The following VARS1 variants were observed in gnomAD, a reference collection of about 807,000 sequenced individuals.
VARS1 encodes valine--tRNA ligase.
In VARS1, 92 loss-of-function variants were observed where a neutral mutation model predicts 161.0. The ratio of observed to expected loss-of-function variants is 0.57; its 90% CI spans 0.48 to 0.68. The LOEUF is 0.68. VARS1 is among the 30% of genes least tolerant of loss of function. VARS1 has a pLI of 0.00. For missense variants in VARS1, 1,338 were observed against 1,695.9 expected, an observed-to-expected ratio of 0.79 and a Z score of 3.71; for synonymous variants, 595 against 682.5, an observed-to-expected ratio of 0.87 and a Z score of 2.00.
chr6:31,791,451 G>C lies in VARS1; in HGVS notation c.1100+159C>G, dbSNP rs1168112568. On this transcript the variant is annotated intron_variant, in intron 8 of 29. Coordinates refer to ENST00000375663, the MANE Select transcript of VARS1 (RefSeq NM_006295.3). The surrounding 1 kb of genome is among the most constrained non-coding windows in gnomAD (Gnocchi z 5.0). ...TGGGAGTACTGGACTAGGAGAGGAAGCTAAATGATCAGATTGGAATGACAG... is the reference window on the plus strand; with the variant it reads ...TGGGAGTACTGGACTAGGAGAGGAACCTAAATGATCAGATTGGAATGACAG... Among the ~76,000 whole-genome samples, 1 of 152,142 alleles carries C rather than the reference G, an allele frequency of 6.6e-6. No individual in the cohort carries two copies. The highest frequency in any genetic ancestry group is 6.6e-5 in the Admixed American group (1 of 15,264).
intron 8 of VARS1, among the ~76,000 whole-genome samples, chr6:31,790,657 CA>C (rs1463695813): frequency 2.2e-5 from 3 of 137,130 alleles, no homozygotes; most frequent in Non-Finnish European, 4.6e-5. Flanking sequence ...GGTACAGCCA[CA>C]CTATGAGATA....
chr6:31,793,252 A>G (rs1347605243), intron 2 of VARS1, 132 bp from the exon 3 acceptor site: 2 of 1,242,766 alleles, frequency 1.6e-6, no homozygotes, highest in Admixed American at 3.0e-5. Flanking sequence ...CTTCACTCAA[A>G]TAGTCACAAT....
chr6:31,785,644 C>G lies in VARS1; in HGVS notation c.1190G>C (p.Trp397Ser). The change falls in exon 9 of 30, where the codon TGG becomes TCG. Residue 397 changes from tryptophan to serine, a missense_variant. By Grantham distance (177) the Trp-to-Ser change is radical (BLOSUM62 -3). Around this residue, in one of 3 missense-constraint regions of VARS1, gnomAD observed 902 missense variants for 1,090.3 expected, o/e 0.83. Transcript: ENST00000375663. The surrounding 1 kb of genome is among the most constrained non-coding windows in gnomAD (Gnocchi z 6.1). Reference sequence around the variant, plus strand: ...GTGCCGGCTCAGTCCCTGCTCACGCCATAGCTTCTTCTCCACCACCACCTG... The same window carrying G: ...GTGCCGGCTCAGTCCCTGCTCACGCGATAGCTTCTTCTCCACCACCACCTG... Reference protein sequence around the residue: ...ATQVVVEKKLWREQGLSRHQL... With the variant: ...ATQVVVEKKLSREQGLSRHQL... 1 of 1,613,034 alleles carries G rather than the reference C, an allele frequency of 6.2e-7. No individual in the cohort carries two copies. The highest frequency in any genetic ancestry group is 8.5e-7 in the Non-Finnish European group (1 of 1,180,030).
chr6:31,790,323 C>T (rs1813785996), intron 8 of VARS1, among the ~76,000 whole-genome samples: 1 of 151,540 alleles, frequency 6.6e-6, no homozygotes, highest in South Asian at 2.1e-4. Flanking sequence ...GACTCCAGGC[C>T]GGGAGCAGTG....
Position 31,778,841 on chromosome 6 carries a change from G to T in VARS1, c.3726+126C>A. ...TTTAAGGCTAGTGGGAGTGGAGAAG[G>T]AACAAAGAAATCTGTAACTGGTTAC... On this transcript the variant is annotated intron_variant, in intron 29 of 29. Coordinates refer to ENST00000375663, the MANE Select transcript of VARS1 (RefSeq NM_006295.3). This position sits in a 1 kb window ranked among gnomAD's most constrained non-coding sequence, Gnocchi z 5.1. 7.6e-7 allele frequency: 1 copy of T among 1,307,594 alleles called. No homozygotes were observed. Among genetic ancestry groups the T allele is most frequent in the Non-Finnish European group, 1.1e-6 (1 of 944,158 alleles). The allele number at this position is 1,307,594 out of a possible 1,614,324, so 81.0% of individuals were successfully genotyped here.
rs1468680102 is a variant in VARS1 at position 31,781,468 on chromosome 6, G to T, written c.2544+13C>A. The stretch of plus-strand genomic sequence containing the variant: ...GGCTGGGGGCGATGGGAGGGTCTCG[G>T]CTGTCTCCGCACCTCTCTAAAGGGC... On this transcript the variant is annotated intron_variant, in intron 21 of 29. Coordinates refer to ENST00000375663, the MANE Select transcript of VARS1 (RefSeq NM_006295.3). The surrounding 1 kb of genome is among the most constrained non-coding windows in gnomAD (Gnocchi z 6.8). 3.1e-6 allele frequency: 5 copies of T among 1,610,664 alleles called. No individual in the cohort carries two copies. The highest frequency in any genetic ancestry group is 4.2e-6 in the Non-Finnish European group (5 of 1,179,550).
intron 8 of VARS1, among the ~76,000 whole-genome samples, chr6:31,787,914 C>T (rs1250695787): frequency 2.6e-5 from 4 of 152,020 alleles, no homozygotes; most frequent in Admixed American, 6.6e-5. Context: ...GTCAGGAGAT[C>T]GAGACCATCT....
At position 31,782,867 on chromosome 6, in the gene VARS1, C is replaced by A; in HGVS notation, c.1763-22G>T. The A allele has an allele frequency of 6.2e-7, 1 of 1,604,050 alleles. No individual in the cohort carries two copies. The highest frequency in any genetic ancestry group is 1.3e-5 in the African/African-American group (1 of 74,942). On this transcript the variant is annotated intron_variant, in intron 14 of 29. Transcript: ENST00000375663. The surrounding 1 kb of genome is among the most constrained non-coding windows in gnomAD (Gnocchi z 8.3). ...GCACCTGGGTGTACATCAGGATGCC[C>A]AGGTCATGAGGGACTCCACGGAGTT... is the stretch of plus-strand genomic sequence containing the variant.
At chr6:31,794,018 C>T (rs1322608370) in intron 2 of VARS1, among the ~76,000 whole-genome samples, 1 of 148,874 alleles carries the variant, frequency 6.7e-6, no homozygotes, top group African/African-American at 2.5e-5. Flanking sequence ...GCAGGAGAAT[C>T]GCTTGAGCAG....
rs1474269607 is a variant in VARS1, at chr6:31,785,587, A to G, written c.1247T>C (p.Val416Ala). 8 of 1,610,940 alleles carry G rather than the reference A, an allele frequency of 5.0e-6. No homozygotes were observed. The Admixed American group carries it at 1.3e-4, about 27-fold the overall frequency. ...QLGREAFLQE[V>A]WKWKEEKGDR... The stretch of plus-strand genomic sequence containing the variant: ...TACTCACTCCTCCTTCCACTTCCAG[A>G]CTTCCTGTAGAAAGGCCTCGCGGCC... Residue 416 changes from valine to alanine, a missense_variant, in exon 9 of 30, where the codon GTC (valine) becomes GCC (alanine). Physicochemically the swap from Val to Ala is moderately conservative, Grantham distance 64. Coordinates refer to ENST00000375663, the MANE Select transcript of VARS1 (RefSeq NM_006295.3). The surrounding 1 kb of genome is among the most constrained non-coding windows in gnomAD (Gnocchi z 6.1).
Position 31,792,877 on chromosome 6 carries a change from G to C in VARS1, c.541C>G (p.Arg181Gly), listed in dbSNP as rs35196751. The C allele has an allele frequency of 6.2e-7, 1 of 1,614,102 alleles. No individual in the cohort carries two copies. Among genetic ancestry groups the C allele is most frequent in the South Asian group, 1.1e-5 (1 of 91,090 alleles). Reference protein sequence around the residue: ...PFRYVLDPPARRIWNNVTRWF... With the variant: ...PFRYVLDPPAGRIWNNVTRWF... Reference sequence around the variant, plus strand: ...CGAGTCACATTATTCCAGATCCGGCGGGCAGGTGGGTCTAGGACCTGGAAC... The same window carrying C: ...CGAGTCACATTATTCCAGATCCGGCCGGCAGGTGGGTCTAGGACCTGGAAC... The change falls in exon 4 of 30, where the codon CGC becomes GGC. Residue 181 changes from arginine to glycine, a missense_variant. Physicochemically the swap from Arg to Gly is moderately radical, Grantham distance 125. Coordinates refer to ENST00000375663, the MANE Select transcript of VARS1 (RefSeq NM_006295.3).
At position 31,780,728 on chromosome 6, in the gene VARS1, C is replaced by T. The variant is rs779183827; in HGVS notation, c.2774G>A (p.Gly925Glu). Residue 925 changes from glycine (G) to glutamate (E), a missense_variant, in exon 24 of 30, where the codon GGA becomes GAA. Transcript: ENST00000375663. This position sits in a 1 kb window ranked among gnomAD's most constrained non-coding sequence, Gnocchi z 5.1. ...ACCCTGGGACATGTAGGCACATAAT[C>T]CAAACCGGAGAGCATCGGTGCCACA... ...PECGTDALRF[G>E]LCAYMSQGRD... 2 of 1,614,060 alleles carry T rather than the reference C, an allele frequency of 1.2e-6. No homozygotes were observed. Among genetic ancestry groups the T allele is most frequent in the African/African-American group, 2.7e-5 (2 of 74,948 alleles).
rs781050521 is a variant in VARS1, at chr6:31,780,051, C to T, written c.3028G>A (p.Val1010Ile). Residue 1010 changes from valine to isoleucine, a missense_variant, in exon 26 of 30, where the codon GTC becomes ATC. Around this residue, in one of 3 missense-constraint regions of VARS1, gnomAD observed 433 missense variants for 586.2 expected, o/e 0.74. Transcript: ENST00000375663. This position sits in a 1 kb window ranked among gnomAD's most constrained non-coding sequence, Gnocchi z 5.1. ...QGFQAYDFPA[V>I]TTAQYSFWLY... Reference sequence around the variant, plus strand: ...CAGAAGCTGTACTGGGCAGTGGTGACGGCCGGGAAGTCGTAGGCCTGGAAG... The same window carrying T: ...CAGAAGCTGTACTGGGCAGTGGTGATGGCCGGGAAGTCGTAGGCCTGGAAG... The T allele has an allele frequency of 7.4e-5, 119 of 1,614,002 alleles. No individual in the cohort carries two copies. The highest frequency in any genetic ancestry group is 9.7e-5 in the Non-Finnish European group (115 of 1,180,050).
rs759939980 is a variant in VARS1 at position 31,785,692 on chromosome 6, C to A, written c.1142G>T (p.Cys381Phe). The A allele has an allele frequency of 1.2e-6, 2 of 1,612,926 alleles. No homozygotes were observed. The highest frequency in any genetic ancestry group is 8.5e-7 in the Non-Finnish European group (1 of 1,180,008). Residue 381 changes from cysteine (C) to phenylalanine (F), a missense_variant, in exon 9 of 30, where the codon TGT becomes TTT. Physicochemically the swap from Cys to Phe is radical, Grantham distance 205. Transcript: ENST00000375663. This position sits in a 1 kb window ranked among gnomAD's most constrained non-coding sequence, Gnocchi z 6.1. The stretch of plus-strand genomic sequence containing the variant: ...CTGGGTGGCAATACCTGCATGGTCA[C>A]AGCCAGGGTTCCACAGGGTGGTCTC... The part of the protein sequence containing the change: ...RGETTLWNPG[C>F]DHAGIATQVV...
chr6:31,781,221 C>G lies in VARS1; in HGVS notation c.2545-98G>C. The G allele has an allele frequency of 7.1e-7, 1 of 1,412,124 alleles. No individual in the cohort carries two copies. Among genetic ancestry groups the G allele is most frequent in the South Asian group, 1.2e-5 (1 of 84,218 alleles). The allele number at this position is 1,412,124 out of a possible 1,614,324, so 87.5% of individuals were successfully genotyped here. A position where few individuals can be genotyped will look rare whatever the true frequency, so the allele number is the denominator to read the frequency against. On this transcript the variant is annotated intron_variant, in intron 21 of 29. Transcript: ENST00000375663. This position sits in a 1 kb window ranked among gnomAD's most constrained non-coding sequence, Gnocchi z 6.8. Reference sequence around the variant, plus strand: ...GTGTCTGGTCTACCCCACTGTGAACCTCAGGTCCCACTGAGTGTCCCCAAG... The same window carrying G: ...GTGTCTGGTCTACCCCACTGTGAACGTCAGGTCCCACTGAGTGTCCCCAAG...
In VARS1 at chr6:31,784,866, G is replaced by A; in HGVS notation, c.1348-152C>T. 4.3e-6 allele frequency: 5 copies of A among 1,157,322 alleles called. No homozygotes were observed. The highest frequency in any genetic ancestry group is 1.5e-5 in the South Asian group (1 of 64,916). 71.7% of individuals were successfully genotyped at this position (1,157,322 alleles called of 1,614,324 possible). On this transcript the variant is annotated intron_variant, in intron 10 of 29. Transcript: ENST00000375663. The surrounding 1 kb of genome is among the most constrained non-coding windows in gnomAD (Gnocchi z 6.1). ...GGGAGTACTTTCCTTCTTTCCTTGAGGGGGAGAGAGGACTAAGGGAACACA... is the reference window on the plus strand; with the variant it reads ...GGGAGTACTTTCCTTCTTTCCTTGAAGGGGAGAGAGGACTAAGGGAACACA...
rs1813409037 is a variant in VARS1, at chr6:31,785,047, G to A, written c.1347+199C>T. Among the ~76,000 whole-genome samples, 1 of 152,208 alleles carries A rather than the reference G, an allele frequency of 6.6e-6. No homozygotes were observed. Among genetic ancestry groups the A allele is most frequent in the East Asian group, 1.9e-4 (1 of 5,196 alleles). On this transcript the variant is annotated intron_variant, in intron 10 of 29. Coordinates refer to ENST00000375663, the MANE Select transcript of VARS1 (RefSeq NM_006295.3). The surrounding 1 kb of genome is among the most constrained non-coding windows in gnomAD (Gnocchi z 6.1). ...AGGAATCTGGAGCTCCCAGAGCCAA[G>A]ACAGGGAACATGAAGGGCCATGATA...
At chr6:31,786,303 T>C (rs1581648373) in intron 8 of VARS1, among the ~76,000 whole-genome samples, 1 of 150,192 alleles carries the variant, frequency 6.7e-6, no homozygotes, top group Non-Finnish European at 1.5e-5. Context: ...GGGGTGGAGC[T>C]GGAACCCTTG....
chr6:31,781,236 G>C lies in VARS1; in HGVS notation c.2545-113C>G. 1 of 1,310,220 alleles carries C rather than the reference G, an allele frequency of 7.6e-7. No individual in the cohort carries two copies. Among genetic ancestry groups the C allele is most frequent in the Non-Finnish European group, 1.1e-6 (1 of 934,530 alleles). 81.2% of individuals were successfully genotyped at this position (1,310,220 alleles called of 1,614,324 possible). A position where few individuals can be genotyped will look rare whatever the true frequency, so the allele number is the denominator to read the frequency against. On this transcript the variant is annotated intron_variant, in intron 21 of 29. Transcript: ENST00000375663. The surrounding 1 kb of genome is among the most constrained non-coding windows in gnomAD (Gnocchi z 6.8). ...CACTGTGAACCTCAGGTCCCACTGA[G>C]TGTCCCCAAGAGCTCGTTGAGCGCC...
Sources: gnomAD v4.1 joint callset for allele counts (sites outside exome capture counted in the v4.1 genomes callset) on GRCh38, gnomAD v4.1.1 for gene constraint, gnomAD v4.1.1 regional missense constraint, Gnocchi (gnomAD v3.1) non-coding constraint, MANE v1.5 for transcripts, NCBI Gene and HGNC (gene_info 2026-07-23, HGNC 2026-07-21) for gene names.